SHISA6: variants seen among roughly 807,000 people sequenced by gnomAD.
The protein encoded by SHISA6 is shisa family member 6.
A neutral mutation model predicts 47.9 loss-of-function variants in SHISA6; 22 were observed. That is an observed-to-expected ratio of 0.46 (90% CI 0.33 to 0.66). The LOEUF is 0.66. Ranked by LOEUF, SHISA6 falls within the 30% of genes least tolerant of loss-of-function variation. SHISA6 has a pLI of 0.02. For synonymous variants in SHISA6, 388 were observed against 337.8 expected (o/e 1.15, Z -1.63); for missense variants, 680 against 764.6 (o/e 0.89, Z 1.30).
At chr17:11,479,194 C>T (rs952592539) in intron 3 of SHISA6, among the ~76,000 whole-genome samples, 4 of 151,760 alleles carry the variant, frequency 2.6e-5, no homozygotes, top group African/African-American at 7.3e-5. Context: ...GCCGAAATAG[C>T]GCCATTGCAC....
chr17:11,480,513 A>G (rs1180507249), intron 3 of SHISA6, among the ~76,000 whole-genome samples: 1 of 152,116 alleles, frequency 6.6e-6, no homozygotes, highest in Non-Finnish European at 1.5e-5. Context: ...GCTCACCCCA[A>G]AATCACAGGT....
intron 4 of SHISA6, among the ~76,000 whole-genome samples, chr17:11,555,102 G>T (rs2071964595): frequency 6.6e-6 from 1 of 152,152 alleles, no homozygotes; most frequent in Non-Finnish European, 1.5e-5. Flanking sequence ...GCAGCTTAGA[G>T]ATGGCTAAGG....
intron 2 of SHISA6, among the ~76,000 whole-genome samples, chr17:11,302,828 A>G (rs1015926854): frequency 6.8e-6 from 1 of 146,898 alleles, no homozygotes. Flanking sequence ...TATAGAAACA[A>G]TATGGGGGTG....
At chr17:11,255,417 G>A (rs7221798) in intron 1 of SHISA6, among the ~76,000 whole-genome samples, 4,989 of 152,248 alleles carry the variant, frequency 0.033, 271 homozygotes, top group African/African-American at 0.11. Context: ...TTTACAGAAC[G>A]TGTTGCCCTG....
intron 1 of SHISA6, among the ~76,000 whole-genome samples, chr17:11,244,752 A>G (rs568077434): frequency 2.0e-5 from 3 of 152,360 alleles, no homozygotes; most frequent in African/African-American, 4.8e-5. Flanking sequence ...ATGCAGTTAC[A>G]TATTCCTTGA....
chr17:11,456,984 G>A lies in SHISA6; in HGVS notation c.895+77475G>A, dbSNP rs143682079. On this transcript the variant is annotated intron_variant, in intron 3 of 5. Coordinates refer to ENST00000441885, the MANE Select transcript of SHISA6 (RefSeq NM_207386.4). ...CCTTCATCGAAGCTTCTGGCTCTTT[G>A]CCACTACCTACAATCTCATCCAGTT... Among the ~76,000 whole-genome samples the A allele has an allele frequency of 5.3e-3, 803 of 152,244 alleles. 7 individuals carry two copies. Among genetic ancestry groups the A allele is most frequent in the Non-Finnish European group, 9.6e-3 (650 of 68,016 alleles).
At chr17:11,478,469 G>C (rs1216284004) in intron 3 of SHISA6, among the ~76,000 whole-genome samples, 31 of 121,982 alleles carry the variant, frequency 2.5e-4, no homozygotes, top group African/African-American at 8.1e-4. Context: ...CATTGCTTTT[G>C]GTGTTTTAGA....
intron 3 of SHISA6, among the ~76,000 whole-genome samples, chr17:11,520,203 A>C (rs1202885118): frequency 6.6e-6 from 1 of 152,128 alleles, no homozygotes; most frequent in East Asian, 1.9e-4. Context: ...TCTCACACTT[A>C]ATGTGTTCAA....
intron 2 of SHISA6, among the ~76,000 whole-genome samples, chr17:11,367,625 T>C (rs12950957): frequency 0.49 from 74,809 of 151,944 alleles, 18,819 homozygotes; most frequent in African/African-American, 0.58. Flanking sequence ...ACACCCCAGG[T>C]GCTGTTCTAA....
intron 2 of SHISA6, among the ~76,000 whole-genome samples, chr17:11,374,050 A>G (rs1431747632): frequency 1.3e-5 from 2 of 152,142 alleles, no homozygotes; most frequent in Admixed American, 6.5e-5. Context: ...CTGCTTATTC[A>G]TGTCAGTAGG....
chr17:11,418,385 C>A (rs1330550634), intron 3 of SHISA6, among the ~76,000 whole-genome samples: 2 of 152,056 alleles, frequency 1.3e-5, no homozygotes, highest in African/African-American at 4.8e-5. Context: ...TGTTACATTT[C>A]TTCCCACTTA....
intron 3 of SHISA6, among the ~76,000 whole-genome samples, chr17:11,402,181 CT>C (rs1379710006): frequency 6.6e-6 from 1 of 152,060 alleles, no homozygotes; most frequent in Non-Finnish European, 1.5e-5. Context: ...TAGGAGGTTC[CT>C]TATTTTTTAT....
chr17:11,245,199 AG>A, intron 1 of SHISA6, among the ~76,000 whole-genome samples: 1 of 152,352 alleles, frequency 6.6e-6, no homozygotes, highest in East Asian at 1.9e-4. Flanking sequence ...GACTCCGTGG[AG>A]GAGGAAGAGA....
At chr17:11,501,020 G>T (rs1030434362) in intron 3 of SHISA6, among the ~76,000 whole-genome samples, 2 of 152,140 alleles carry the variant, frequency 1.3e-5, no homozygotes, top group Admixed American at 6.6e-5. Flanking sequence ...TAAGCAACTT[G>T]CCATGAATAC....
At chr17:11,516,265 G>T (rs1449709136) in intron 3 of SHISA6, among the ~76,000 whole-genome samples, 1 of 152,164 alleles carries the variant, frequency 6.6e-6, no homozygotes, top group Non-Finnish European at 1.5e-5. Flanking sequence ...CTGCCTAACC[G>T]TTGGGGGCAG....
At chr17:11,525,658 A>AAAAAAAAAAAAAAAAAC (rs2071672018) in intron 3 of SHISA6, among the ~76,000 whole-genome samples, 1 of 131,718 alleles carries the variant, frequency 7.6e-6, no homozygotes, top group Non-Finnish European at 1.7e-5. Flanking sequence ...AAAACAAAAA[A>AAAAAAAAAAAAAAAAAC]AAAAAAACGT....
At chr17:11,504,693 C>T (rs916461609) in intron 3 of SHISA6, among the ~76,000 whole-genome samples, 1 of 152,128 alleles carries the variant, frequency 6.6e-6, no homozygotes, top group African/African-American at 2.4e-5. Flanking sequence ...ACATCAGGGT[C>T]AACTCAGCAG....
At chr17:11,551,760 A>G in intron 3 of SHISA6, 136 bp from the exon 4 acceptor site, 1 of 728,942 alleles carries the variant, frequency 1.4e-6, no homozygotes, top group South Asian at 1.8e-5. Flanking sequence ...GCCTCATACA[A>G]TGACCTCTGC....
In SHISA6 at chr17:11,559,487, CTCTG is replaced by C. The variant is rs1171445426; in HGVS notation, c.*1187_*1190del. On this transcript the variant is annotated 3_prime_UTR_variant, in exon 6 of 6. Transcript: ENST00000441885. This position sits in a 1 kb window ranked among gnomAD's most constrained non-coding sequence, Gnocchi z 4.4. ...TCTCCGCTCATCCTTCCTTCCCCAT[CTCTG>C]TCTACCTGCTCAGTTCAGAGATCAC... The C allele has an allele frequency of 4.0e-4, 61 of 152,532 alleles. No individual in the cohort carries two copies. Among genetic ancestry groups the C allele is most frequent in the African/African-American group, 1.3e-3 (55 of 41,562 alleles). The allele number at this position is 152,532 out of a possible 1,614,324, so 9.4% of individuals were successfully genotyped here.
Sources: allele counts gnomAD v4.1 joint callset (sites outside exome capture counted in the v4.1 genomes callset), GRCh38; gene constraint gnomAD v4.1.1; non-coding constraint Gnocchi (gnomAD v3.1); transcripts MANE v1.5; gene names NCBI Gene and HGNC (gene_info 2026-07-23, HGNC 2026-07-21).